Variants in NAA16 observed in about 807,000 individuals in gnomAD.
NAA16 encodes NARG1-like protein.
Under a neutral mutation model 110.3 loss-of-function variants are expected in NAA16, and 97 were observed. The ratio of observed to expected loss-of-function variants is 0.88; its 90% CI spans 0.75 to 1.04. The LOEUF (loss-of-function observed/expected upper bound fraction) is 1.04, where lower values mean the gene tolerates loss of function less well. NAA16 is among the 50% of genes least tolerant of loss of function. The pLI, the probability that NAA16 is intolerant of heterozygous loss-of-function variation, is 0.00. For synonymous variants in NAA16, 372 were observed against 330.6 expected (o/e 1.13, Z -1.36); for missense variants, 1,017 against 1,005.1 (o/e 1.01, Z -0.16).
intron 6 of NAA16, 102 bp downstream of exon 6, chr13:41,325,953 C>A: frequency 2.2e-6 from 2 of 909,118 alleles, no homozygotes; most frequent in Non-Finnish European, 3.1e-6. Flanking sequence ...ATGTATCTGG[C>A]AAGGTTCCAA....
intron 9 of NAA16, among the ~76,000 whole-genome samples, chr13:41,340,835 C>T (rs1192495992): frequency 1.3e-5 from 2 of 151,776 alleles, no homozygotes; most frequent in South Asian, 2.1e-4. Context: ...TGCCACCGTG[C>T]CCGGCTAATT....
intron 12 of NAA16, among the ~76,000 whole-genome samples, chr13:41,360,760 G>A (rs924165188): frequency 1.3e-5 from 2 of 152,130 alleles, no homozygotes; most frequent in African/African-American, 4.8e-5. Flanking sequence ...AATGAGTGAA[G>A]GGCGCATATT....
At chr13:41,328,655 T>C (rs2042154928) in intron 6 of NAA16, 69 bp from the exon 7 acceptor site, 1 of 1,286,992 alleles carries the variant, frequency 7.8e-7, no homozygotes, top group Non-Finnish European at 1.1e-6. Flanking sequence ...TGATAATGTT[T>C]AGTGAAGTCC....
At chr13:41,341,528 C>A (rs765505890) in intron 9 of NAA16, among the ~76,000 whole-genome samples, 1 of 152,006 alleles carries the variant, frequency 6.6e-6, no homozygotes, top group Non-Finnish European at 1.5e-5. Context: ...ACAAGCCTGG[C>A]AACATAACAG....
intron 13 of NAA16, among the ~76,000 whole-genome samples, chr13:41,365,651 A>G (rs1433416560): frequency 6.6e-6 from 1 of 152,206 alleles, no homozygotes; most frequent in African/African-American, 2.4e-5. Context: ...TGGGTTCGCA[A>G]GACACAGTGC....
intron 8 of NAA16, among the ~76,000 whole-genome samples, chr13:41,334,605 A>G (rs751269910): frequency 6.6e-5 from 10 of 152,214 alleles, no homozygotes; most frequent in Non-Finnish European, 1.2e-4. Context: ...GAGCAGTAAT[A>G]CTAAACAGGC....
chr13:41,337,716 A>G (rs1388707152), intron 9 of NAA16, among the ~76,000 whole-genome samples: 3 of 152,174 alleles, frequency 2.0e-5, no homozygotes, highest in Admixed American at 2.0e-4. Context: ...TTACTACTGG[A>G]TAAGGAAAAG....
chr13:41,343,915 G>C (rs1281370622), intron 9 of NAA16, among the ~76,000 whole-genome samples: 8 of 152,116 alleles, frequency 5.3e-5, no homozygotes, highest in African/African-American at 1.9e-4. Context: ...CGAGAGATTT[G>C]CCTGCCTTGG....
chr13:41,313,975 G>A (rs188802215), intron 1 of NAA16, among the ~76,000 whole-genome samples: 1 of 151,876 alleles, frequency 6.6e-6, no homozygotes, highest in East Asian at 1.9e-4. Context: ...TCGTGCCTCA[G>A]CCTCCTGAGT....
In NAA16 at chr13:41,375,783, A is replaced by G. The variant is rs532459505; in HGVS notation, c.*181A>G. 1 of 503,536 alleles carries G rather than the reference A, an allele frequency of 2.0e-6. No individual in the cohort carries two copies. The highest frequency in any genetic ancestry group is 3.6e-5 in the South Asian group (1 of 27,990). 31.2% of individuals were successfully genotyped at this position (503,536 alleles called of 1,614,324 possible). On this transcript the variant is annotated 3_prime_UTR_variant, in exon 20 of 20. Transcript: ENST00000379406. Reference sequence around the variant, plus strand: ...GCCAATTTACATAACCATCTGTTAAAATTACCTGTTTATTCTTACACAGTT... The same window carrying G: ...GCCAATTTACATAACCATCTGTTAAGATTACCTGTTTATTCTTACACAGTT...
chr13:41,348,349 AGTAGAAACGGGATTTCACTAT>A (rs1235693421), intron 9 of NAA16, among the ~76,000 whole-genome samples: 1 of 151,942 alleles, frequency 6.6e-6, no homozygotes, highest in Non-Finnish European at 1.5e-5. Flanking sequence ...TCTATTTTTT[AGTAGAAACGGGATTTCACTAT>A]GTTGCACAGG....
chr13:41,333,883 A>G (rs2042307209), intron 8 of NAA16, among the ~76,000 whole-genome samples: 1 of 151,920 alleles, frequency 6.6e-6, no homozygotes, highest in Non-Finnish European at 1.5e-5. Context: ...GTTAAAGTGG[A>G]ACCATCCTAG....
chr13:41,329,919 T>C (rs9590584), intron 7 of NAA16, among the ~76,000 whole-genome samples: 4,406 of 152,088 alleles, frequency 0.029, 201 homozygotes, highest in African/African-American at 0.098. Flanking sequence ...ATTACACTAT[T>C]GTTTTAGGTA....
intron 8 of NAA16, among the ~76,000 whole-genome samples, chr13:41,336,424 C>CTGTA (rs2042382613): frequency 6.6e-6 from 1 of 152,126 alleles, no homozygotes; most frequent in Admixed American, 6.6e-5. Context: ...GGGTTTTGAG[C>CTGTA]TGTAGACTGA....
intron 9 of NAA16, among the ~76,000 whole-genome samples, chr13:41,349,525 G>A (rs1040493057): frequency 2.6e-5 from 4 of 151,326 alleles, no homozygotes; most frequent in Non-Finnish European, 5.9e-5. Context: ...ACATATGTTT[G>A]TCTTTTATTT....
At chr13:41,322,937 C>A in intron 4 of NAA16, 119 bp from the exon 5 acceptor site, 1 of 955,012 alleles carries the variant, frequency 1.0e-6, no homozygotes. Context: ...CTATTTTATT[C>A]TGAAACTGAT....
chr13:41,353,130 A>AAAACG (rs1164781478), intron 9 of NAA16, among the ~76,000 whole-genome samples: 1 of 151,980 alleles, frequency 6.6e-6, no homozygotes. Context: ...AAAACAAAAC[A>AAAACG]AAACAAAACA....
At chr13:41,370,891 AG>A (rs2043302956) in intron 15 of NAA16, among the ~76,000 whole-genome samples, 1 of 152,240 alleles carries the variant, frequency 6.6e-6, no homozygotes, top group Admixed American at 6.5e-5. Flanking sequence ...AAAGTCTGGA[AG>A]GATTACATCA....
intron 10 of NAA16, 78 bp from the exon 11 acceptor site, chr13:41,358,226 A>G: frequency 2.4e-6 from 3 of 1,224,816 alleles, no homozygotes; most frequent in Non-Finnish European, 3.5e-6. Context: ...TAGTCATTTC[A>G]TTATGAATTA....
Sources: allele counts gnomAD v4.1 joint callset (sites outside exome capture counted in the v4.1 genomes callset), GRCh38; gene constraint gnomAD v4.1.1; transcripts MANE v1.5; gene names NCBI Gene and HGNC (gene_info 2026-07-23, HGNC 2026-07-21).